NSD2: variants seen among roughly 807,000 people sequenced by gnomAD.
NSD2 encodes nuclear receptor binding SET domain protein 2, also known as histone-lysine N-methyltransferase NSD2.
Under a neutral mutation model 139.0 loss-of-function variants are expected in NSD2, and 12 were observed. That is an observed-to-expected ratio of 0.09 (90% CI 0.06 to 0.14). The LOEUF is 0.14. Among genes scored for constraint, NSD2 ranks in the 10% least tolerant of loss-of-function variants. NSD2 has a pLI of 1.00. For missense variants in NSD2, 1,155 were observed against 1,745.0 expected, an observed-to-expected ratio of 0.66 and a Z score of 6.02; for synonymous variants, 669 against 648.7, an observed-to-expected ratio of 1.03 and a Z score of -0.48.
At chr4:1,914,994 C>T (rs1719171128) in intron 3 of NSD2, among the ~76,000 whole-genome samples, 1 of 151,982 alleles carries the variant, frequency 6.6e-6, no homozygotes, top group African/African-American at 2.4e-5. Flanking sequence ...TATCAAACCT[C>T]CTAGATTGAT....
Position 1,920,861 on chromosome 4 carries a change from T to C in NSD2, c.1410+2238T>C, listed in dbSNP as rs4299658. Among the ~76,000 whole-genome samples, 380 of 151,100 alleles carry C rather than the reference T, an allele frequency of 2.5e-3. 1 individual carries two copies. Among genetic ancestry groups the C allele is most frequent in the Non-Finnish European group, 4.0e-3 (268 of 67,780 alleles). ...CCAGCCTGGGCAACATGAAACCCTGTCTCTAAAAAAAAAAAAATTTTTTTT... is the reference window on the plus strand; with the variant it reads ...CCAGCCTGGGCAACATGAAACCCTGCCTCTAAAAAAAAAAAAATTTTTTTT... On this transcript the variant is annotated intron_variant, in intron 5 of 21. Coordinates refer to ENST00000508803, the MANE Select transcript of NSD2 (RefSeq NM_001042424.3).
chr4:1,955,121 C>A lies in NSD2; in HGVS notation c.2339-40C>A. 6.4e-7 allele frequency: 1 copy of A among 1,561,916 alleles called. No individual in the cohort carries two copies. Among genetic ancestry groups the A allele is most frequent in the South Asian group, 1.2e-5 (1 of 86,906 alleles). ...TTGCTCTTTTCACTATGACTGGAGT[C>A]AGTGTTTGGGGTCCTTAGGGTGTGT... On this transcript the variant is annotated intron_variant, in intron 12 of 21. Coordinates refer to ENST00000508803, the MANE Select transcript of NSD2 (RefSeq NM_001042424.3). The surrounding 1 kb of genome is among the most constrained non-coding windows in gnomAD (Gnocchi z 4.7).
chr4:1,934,878 AATAT>A (rs1161633448), intron 6 of NSD2, among the ~76,000 whole-genome samples: 1,174 of 22,040 alleles, frequency 0.053, 61 homozygotes, highest in East Asian at 0.089. Flanking sequence ...AAAAAAAAAA[AATAT>A]ATATATATAT....
chr4:1,966,563 A>G (rs959627571), intron 18 of NSD2, among the ~76,000 whole-genome samples: 11 of 151,732 alleles, frequency 7.2e-5, no homozygotes, highest in Non-Finnish European at 1.3e-4. Flanking sequence ...AGGCTGAGGC[A>G]GGAGAATGGC....
At chr4:1,935,481 G>A (rs903808944) in intron 7 of NSD2, among the ~76,000 whole-genome samples, 11 of 152,218 alleles carry the variant, frequency 7.2e-5, no homozygotes, top group Non-Finnish European at 1.5e-4. Flanking sequence ...CACAGAAACC[G>A]ATGGTGTGTT....
intron 3 of NSD2, among the ~76,000 whole-genome samples, chr4:1,915,111 CTTT>C (rs781255847): frequency 4.3e-5 from 5 of 115,540 alleles, no homozygotes; most frequent in Admixed American, 9.1e-5. Flanking sequence ...CTTTTTTTCT[CTTT>C]TTTTTTTTTT....
chr4:1,934,075 A>AT (rs374391148), intron 6 of NSD2, among the ~76,000 whole-genome samples: 3,943 of 147,612 alleles, frequency 0.027, 169 homozygotes, highest in African/African-American at 0.093. Context: ...TAAGGAAAAG[A>AT]TTTTTTTTTT....
At chr4:1,895,885 G>C (rs1157510748) in intron 1 of NSD2, among the ~76,000 whole-genome samples, 1 of 152,254 alleles carries the variant, frequency 6.6e-6, no homozygotes, top group African/African-American at 2.4e-5. Flanking sequence ...GGTGTTTGCT[G>C]AGGGCCCAGC....
chr4:1,875,666 G>A (rs1206796786), intron 1 of NSD2, among the ~76,000 whole-genome samples: 5 of 152,140 alleles, frequency 3.3e-5, no homozygotes, highest in African/African-American at 7.2e-5. Context: ...ACTTTGGGAG[G>A]CCGAGGCGGT....
At chr4:1,871,907 C>A (rs1431097882) in intron 1 of NSD2, among the ~76,000 whole-genome samples, 1 of 147,398 alleles carries the variant, frequency 6.8e-6, no homozygotes, top group East Asian at 1.9e-4. Flanking sequence ...TGGGCCCGGC[C>A]GGGCCCTGCG....
At chr4:1,950,977 G>A in intron 9 of NSD2, 95 bp from the exon 10 acceptor site, 4 of 1,511,502 alleles carry the variant, frequency 2.6e-6, no homozygotes, top group Non-Finnish European at 3.6e-6. Context: ...AGACTGGTGG[G>A]TGGTGGGGTG....
At chr4:1,906,910 C>T (rs1378469720) in intron 3 of NSD2, among the ~76,000 whole-genome samples, 3 of 152,056 alleles carry the variant, frequency 2.0e-5, no homozygotes, top group Admixed American at 6.6e-5. Flanking sequence ...ATCTGCCCAC[C>T]TCGGCCTCCC....
rs776087550 is a variant in NSD2 at position 1,955,327 on chromosome 4, C to T, written c.2505C>T (p.Phe835=). Residue 835 remains phenylalanine (F), a synonymous_variant, in exon 13 of 22, where the codon TTC becomes TTT. Transcript: ENST00000508803. This position sits in a 1 kb window ranked among gnomAD's most constrained non-coding sequence, Gnocchi z 4.7. ...CCCACGTCAACGTGAGCTGGTGCTTCGTGTGCTCCAAAGGTGAGGGGCCTG... is the reference window on the plus strand; with the variant it reads ...CCCACGTCAACGTGAGCTGGTGCTTTGTGTGCTCCAAAGGTGAGGGGCCTG... ...HHAHVNVSWC[F]VCSKGGSLLC... 1.7e-5 allele frequency: 27 copies of T among 1,612,784 alleles called. No individual in the cohort carries two copies. Among genetic ancestry groups the T allele is most frequent in the Middle Eastern group, 1.8e-4 (1 of 5,642 alleles).
chr4:1,872,818 A>G (rs958091257), intron 1 of NSD2, among the ~76,000 whole-genome samples: 7 of 152,170 alleles, frequency 4.6e-5, no homozygotes, highest in Non-Finnish European at 1.0e-4. Flanking sequence ...ATCAACGTGG[A>G]AAATAACTTA....
intron 9 of NSD2, chr4:1,941,298 G>C: frequency 9.5e-7 from 1 of 1,055,508 alleles, no homozygotes; most frequent in Non-Finnish European, 1.1e-6. Flanking sequence ...ATTTTGGTCC[G>C]GTTATTCACT....
intron 19 of NSD2, 111 bp downstream of exon 19, chr4:1,975,115 A>AT: frequency 1.3e-6 from 2 of 1,536,254 alleles, no homozygotes; most frequent in Non-Finnish European, 1.8e-6. Context: ...GTGGGTGCTG[A>AT]TGTGGAGTCT....
At chr4:1,907,052 C>T (rs1346182184) in intron 3 of NSD2, among the ~76,000 whole-genome samples, 3 of 152,100 alleles carry the variant, frequency 2.0e-5, no homozygotes, top group Non-Finnish European at 4.4e-5. Flanking sequence ...TTACTCTCTG[C>T]GGTTGAGGCT....
chr4:1,973,766 C>T lies in NSD2; in HGVS notation c.3373-1097C>T, dbSNP rs1427389267. Reference sequence around the variant, plus strand: ...TGCCGCTTCCTGGGACCATGTTTATCCCAGTGTTTATCCCTGTTCACACAC... The same window carrying T: ...TGCCGCTTCCTGGGACCATGTTTATTCCAGTGTTTATCCCTGTTCACACAC... On this transcript the variant is annotated intron_variant, in intron 18 of 21. Coordinates refer to ENST00000508803, the MANE Select transcript of NSD2 (RefSeq NM_001042424.3). This position sits in a 1 kb window ranked among gnomAD's most constrained non-coding sequence, Gnocchi z 5.5. Among the ~76,000 whole-genome samples, 1 of 152,146 alleles carries T rather than the reference C, an allele frequency of 6.6e-6. No homozygotes were observed. Among genetic ancestry groups the T allele is most frequent in the Non-Finnish European group, 1.5e-5 (1 of 68,028 alleles).
chr4:1,879,824 TTGTGTGTGTGTGTGTGTG>T (rs140755867), intron 1 of NSD2, among the ~76,000 whole-genome samples: 62 of 144,158 alleles, frequency 4.3e-4, no homozygotes, highest in Non-Finnish European at 2.3e-4. Context: ...CCCATGGCAC[TTGTGTGTGTGTGTGTGTG>T]TGTGTGTGTG....
Sources: allele counts gnomAD v4.1 joint callset (sites outside exome capture counted in the v4.1 genomes callset), GRCh38; gene constraint gnomAD v4.1.1; non-coding constraint Gnocchi (gnomAD v3.1); transcripts MANE v1.5; gene names NCBI Gene and HGNC (gene_info 2026-07-23, HGNC 2026-07-21).